Variants in GABRA1 observed in about 807,000 individuals in gnomAD.
The protein encoded by GABRA1 is gamma-aminobutyric acid type A receptor subunit alpha1, also known as gamma-aminobutyric acid receptor subunit alpha-1.
In GABRA1, 9 loss-of-function variants were observed where a neutral mutation model predicts 48.9. The observed-to-expected ratio is 0.18, with a 90% confidence interval of 0.11 to 0.32. GABRA1 has a LOEUF of 0.32. Among genes scored for constraint, GABRA1 ranks in the 10% least tolerant of loss-of-function variants. The probability of loss-of-function intolerance (pLI) is 1.00; values close to 1 mark genes in which losing one functional copy is unlikely to be tolerated. For synonymous variants in GABRA1, 210 were observed against 198.7 expected, an observed-to-expected ratio of 1.06 and a Z score of -0.48; for missense variants, 285 against 553.8, an observed-to-expected ratio of 0.51 and a Z score of 4.87.
chr5:161,861,794 T>C (rs1220787174), intron 3 of GABRA1, among the ~76,000 whole-genome samples: 1 of 151,826 alleles, frequency 6.6e-6, no homozygotes, highest in African/African-American at 2.4e-5. Flanking sequence ...CCCAGGATAT[T>C]TTCAGTTTCC....
Position 161,898,408 on chromosome 5 carries a change from A to G in GABRA1, c.*986A>G, listed in dbSNP as rs1755470055. The G allele has an allele frequency of 1.3e-5, 2 of 152,718 alleles. No individual in the cohort carries two copies. Among genetic ancestry groups the G allele is most frequent in the South Asian group, 2.1e-4 (1 of 4,834 alleles). The allele number at this position is 152,718 out of a possible 1,614,324, so 9.5% of individuals were successfully genotyped here. On this transcript the variant is annotated 3_prime_UTR_variant, in exon 10 of 10. Transcript: ENST00000393943. ...TATGACTAGCAAACAAAAATAGAAT[A>G]TATAAACGATATATGTAAATATACA...
intron 6 of GABRA1, among the ~76,000 whole-genome samples, chr5:161,877,632 C>T (rs1369557658): frequency 2.6e-5 from 4 of 152,152 alleles, no homozygotes; most frequent in Non-Finnish European, 4.4e-5. Context: ...AATCAAATGT[C>T]TCACATTGCC....
chr5:161,882,003 G>C (rs1235326246), intron 6 of GABRA1: 1 of 154,708 alleles, frequency 6.5e-6, no homozygotes, highest in East Asian at 1.9e-4. Context: ...GAAGGAGAAG[G>C]AGAAGAAGAA....
chr5:161,862,542 A>G lies in GABRA1; in HGVS notation c.188-3179A>G, dbSNP rs1003270161. Among the ~76,000 whole-genome samples, 45 of 151,954 alleles carry G rather than the reference A, an allele frequency of 3.0e-4. 1 individual carries two copies. Among genetic ancestry groups the G allele is most frequent in the African/African-American group, 9.9e-4 (41 of 41,502 alleles). On this transcript the variant is annotated intron_variant, in intron 3 of 9. Transcript: ENST00000393943. ...TCTGAATTTAATTAGCAGAATGTGT[A>G]TATATGTGTTTTTGCATAACTCTGT...
At chr5:161,876,659 A>G (rs1471813022) in intron 6 of GABRA1, among the ~76,000 whole-genome samples, 1 of 152,192 alleles carries the variant, frequency 6.6e-6, no homozygotes, top group East Asian at 1.9e-4. Context: ...AACTGCTTCA[A>G]AAACTCTAGG....
chr5:161,864,450 A>G (rs527601030), intron 3 of GABRA1, among the ~76,000 whole-genome samples: 1 of 152,140 alleles, frequency 6.6e-6, no homozygotes, highest in East Asian at 1.9e-4. Flanking sequence ...CCTTCTAGGG[A>G]TAAATTTATA....
intron 3 of GABRA1, among the ~76,000 whole-genome samples, chr5:161,858,076 CAG>C (rs1459388660): frequency 6.6e-6 from 1 of 151,080 alleles, no homozygotes; most frequent in Non-Finnish European, 1.5e-5. Context: ...AAGAGCAAAA[CAG>C]AGGAAATGAA....
chr5:161,860,262 C>G (rs1757801536), intron 3 of GABRA1, among the ~76,000 whole-genome samples: 1 of 151,824 alleles, frequency 6.6e-6, no homozygotes, highest in Non-Finnish European at 1.5e-5. Context: ...TTCATCTTTT[C>G]TGTGGTATAT....
chr5:161,874,946 G>A (rs1368381094), intron 5 of GABRA1, among the ~76,000 whole-genome samples: 1 of 152,108 alleles, frequency 6.6e-6, no homozygotes, highest in Non-Finnish European at 1.5e-5. Context: ...GGACTAGAGA[G>A]AAGCACAGCA....
rs142326529 is a variant in GABRA1 at position 161,862,493 on chromosome 5, G to T, written c.188-3228G>T. Among the ~76,000 whole-genome samples the T allele has an allele frequency of 9.5e-3, 1,441 of 151,402 alleles. 21 individuals carry two copies. Among genetic ancestry groups the T allele is most frequent in the Middle Eastern group, 0.017 (5 of 294 alleles). On this transcript the variant is annotated intron_variant, in intron 3 of 9. Transcript: ENST00000393943. ...CATTTCAAGTTTTATCTCTTCAAAT[G>T]ACATTTTTTCAGAGCATTTATAATC...
At chr5:161,868,172 C>T (rs1188403712) in intron 4 of GABRA1, among the ~76,000 whole-genome samples, 1 of 151,872 alleles carries the variant, frequency 6.6e-6, no homozygotes, top group Admixed American at 6.6e-5. Flanking sequence ...ATATATATTG[C>T]TAATAATGAT....
At chr5:161,868,432 A>G (rs1419114293) in intron 4 of GABRA1, among the ~76,000 whole-genome samples, 1 of 152,100 alleles carries the variant, frequency 6.6e-6, no homozygotes, top group Admixed American at 6.6e-5. Flanking sequence ...TTTTTTTCCA[A>G]ATTAACCTAT....
chr5:161,899,246 G>A lies in GABRA1; in HGVS notation c.*1824G>A, dbSNP rs1459561120. 1 of 152,354 alleles carries A rather than the reference G, an allele frequency of 6.6e-6. No homozygotes were observed. Among genetic ancestry groups the A allele is most frequent in the East Asian group, 1.9e-4 (1 of 5,200 alleles). 9.4% of individuals were successfully genotyped at this position (152,354 alleles called of 1,614,324 possible). A position where few individuals can be genotyped will look rare whatever the true frequency, so the allele number is the denominator to read the frequency against. ...CCAATGATATAGGAAAATACATTGT[G>A]TTTTCCTAAACACACTTTTCTTTTT... On this transcript the variant is annotated 3_prime_UTR_variant, in exon 10 of 10. Coordinates refer to ENST00000393943, the MANE Select transcript of GABRA1 (RefSeq NM_001127644.2).
At chr5:161,875,730 G>A in intron 6 of GABRA1, 88 bp downstream of exon 6, 3 of 969,692 alleles carry the variant, frequency 3.1e-6, no homozygotes, top group Non-Finnish European at 5.0e-6. Flanking sequence ...GCGTAGATAA[G>A]GGAATCAAGA....
At chr5:161,887,373 G>A (rs1013235886) in intron 7 of GABRA1, among the ~76,000 whole-genome samples, 1 of 151,976 alleles carries the variant, frequency 6.6e-6, no homozygotes, top group Admixed American at 6.6e-5. Flanking sequence ...AAGAGCCTAG[G>A]GGCTTCCATT....
In GABRA1 at chr5:161,884,589, T is replaced by C. The variant is rs559593955; in HGVS notation, c.703+1888T>C. On this transcript the variant is annotated intron_variant, in intron 7 of 9. Coordinates refer to ENST00000393943, the MANE Select transcript of GABRA1 (RefSeq NM_001127644.2). Reference sequence around the variant, plus strand: ...TTGTTGCAGGAATTGATTTTTCATTTTGTTAGTCTGAATATATTGGGGGAT... The same window carrying C: ...TTGTTGCAGGAATTGATTTTTCATTCTGTTAGTCTGAATATATTGGGGGAT... 1.4e-3 allele frequency among the ~76,000 whole-genome samples: 215 copies of C among 152,254 alleles called. 1 individual carries two copies. The highest frequency in any genetic ancestry group is 5.0e-3 in the African/African-American group (209 of 41,548).
At chr5:161,860,099 C>A (rs1361134884) in intron 3 of GABRA1, among the ~76,000 whole-genome samples, 1 of 151,686 alleles carries the variant, frequency 6.6e-6, no homozygotes, top group East Asian at 1.9e-4. Flanking sequence ...AGGTAGTTAC[C>A]AAAACCCCAA....
In GABRA1 at chr5:161,873,266, G is replaced by A; in HGVS notation, c.405G>A (p.Val135=). The A allele has an allele frequency of 1.2e-6, 2 of 1,613,828 alleles. No homozygotes were observed. The highest frequency in any genetic ancestry group is 1.1e-5 in the South Asian group (1 of 91,076). ...TTTTCCACAATGGAAAGAAGTCAGT[G>A]GCCCACAACATGACCATGCCCAACA... The part of the protein sequence containing the change: ...DTFFHNGKKS[V]AHNMTMPNKL... The change falls in exon 5 of 10, where the codon GTG becomes GTA. Residue 135 remains valine (V), a synonymous_variant. Transcript: ENST00000393943.
intron 3 of GABRA1, among the ~76,000 whole-genome samples, chr5:161,861,482 C>T (rs1217146277): frequency 1.3e-5 from 2 of 151,756 alleles, no homozygotes; most frequent in Non-Finnish European, 2.9e-5. Flanking sequence ...TAATATCGAC[C>T]TTTCTTCCTA....
Sources: gnomAD v4.1 joint callset for allele counts (sites outside exome capture counted in the v4.1 genomes callset) on GRCh38, gnomAD v4.1.1 for gene constraint, MANE v1.5 for transcripts, NCBI Gene and HGNC (gene_info 2026-07-23, HGNC 2026-07-21) for gene names.